The following PTPN14 variants were observed in gnomAD, a reference collection of about 807,000 sequenced individuals.
PTPN14 encodes the protein protein tyrosine phosphatase non-receptor type 14.
PTPN14 carries 53 observed loss-of-function variants against 126.8 expected under a neutral mutation model. That is an observed-to-expected ratio of 0.42 (90% CI 0.34 to 0.53). PTPN14 has a LOEUF of 0.53. Ranked by LOEUF, PTPN14 falls within the 20% of genes least tolerant of loss-of-function variation. The pLI is 0.08. For synonymous variants in PTPN14, 630 were observed against 599.3 expected (o/e 1.05, Z -0.75); for missense variants, 1,257 against 1,552.9 (o/e 0.81, Z 3.20).
chr1:214,384,209 C>T lies in PTPN14; in HGVS notation c.1646G>A (p.Gly549Asp). The T allele has an allele frequency of 6.2e-7, 1 of 1,610,710 alleles. No individual in the cohort carries two copies. The highest frequency in any genetic ancestry group is 1.7e-5 in the Admixed American group (1 of 59,984). The change falls in exon 13 of 19, where the codon GGC (glycine) becomes GAC (aspartate). Residue 549 changes from glycine (G) to aspartate (D), a missense_variant. Coordinates refer to ENST00000366956, the MANE Select transcript of PTPN14 (RefSeq NM_005401.5). This position sits in a 1 kb window ranked among gnomAD's most constrained non-coding sequence, Gnocchi z 5.3. ...TPELANMQLQ[G>D]SHNYSTAHML... ...GTGGGCCGTGCTGTAGTTATGGCTG[C>T]CCTGCAGCTGCATGTTGGCCAGCTC...
chr1:214,497,391 A>C lies in PTPN14; in HGVS notation c.-154-32434T>G, dbSNP rs536322317. Reference sequence around the variant, plus strand: ...AAAAAATTAAAGAGATCATTTTCAGAGCTGATGAGGATAGTGAGGCTATTT... The same window carrying C: ...AAAAAATTAAAGAGATCATTTTCAGCGCTGATGAGGATAGTGAGGCTATTT... On this transcript the variant is annotated intron_variant, in intron 1 of 18. Coordinates refer to ENST00000366956, the MANE Select transcript of PTPN14 (RefSeq NM_005401.5). Among the ~76,000 whole-genome samples, 7 of 152,338 alleles carry C rather than the reference A, an allele frequency of 4.6e-5. No individual in the cohort carries two copies. In the South Asian group the frequency reaches 1.5e-3, roughly 32 times the overall value.
chr1:214,432,017 C>CA (rs999327734), intron 3 of PTPN14, among the ~76,000 whole-genome samples: 2 of 152,038 alleles, frequency 1.3e-5, no homozygotes, highest in South Asian at 2.1e-4. Context: ...CTTGTATCTA[C>CA]AAAAAAGTTT....
At chr1:214,416,183 A>G (rs1420763448) in intron 3 of PTPN14, among the ~76,000 whole-genome samples, 2 of 152,324 alleles carry the variant, frequency 1.3e-5, no homozygotes, top group African/African-American at 4.8e-5. Context: ...AACAGTCTCC[A>G]CCTTACAAGG....
At chr1:214,439,592 C>T (rs766860680) in intron 3 of PTPN14, among the ~76,000 whole-genome samples, 8 of 152,202 alleles carry the variant, frequency 5.3e-5, no homozygotes, top group Non-Finnish European at 1.0e-4. Context: ...ACAAGATTGA[C>T]GAGCTGACCT....
At chr1:214,456,888 C>T (rs2102641536) in intron 2 of PTPN14, among the ~76,000 whole-genome samples, 1 of 152,350 alleles carries the variant, frequency 6.6e-6, no homozygotes, top group East Asian at 1.9e-4. Context: ...GTCTACTCTT[C>T]AGTCGATTCT....
chr1:214,533,550 G>C, intron 1 of PTPN14: 1 of 292,356 alleles, frequency 3.4e-6, no homozygotes, highest in Non-Finnish European at 6.4e-6. Context: ...AAAAAAAAAA[G>C]GCTGGGTGCG....
At chr1:214,434,235 T>G (rs1659861789) in intron 3 of PTPN14, among the ~76,000 whole-genome samples, 1 of 152,042 alleles carries the variant, frequency 6.6e-6, no homozygotes, top group Admixed American at 6.5e-5. Context: ...TTCCAGTAAA[T>G]TGGAGATTGC....
At chr1:214,414,836 C>CCTG in intron 3 of PTPN14, 110 bp from the exon 4 acceptor site, 1 of 810,044 alleles carries the variant, frequency 1.2e-6, no homozygotes, top group Non-Finnish European at 2.1e-6. Context: ...GCAGGACATG[C>CCTG]CTGTGATGCT....
At position 214,444,486 on chromosome 1, in the gene PTPN14, A is replaced by G. The variant is rs1660099950; in HGVS notation, c.344+7319T>C. Among the ~76,000 whole-genome samples, 5 of 152,328 alleles carry G rather than the reference A, an allele frequency of 3.3e-5. No homozygotes were observed. In the South Asian group the frequency reaches 8.3e-4, roughly 25 times the overall value. On this transcript the variant is annotated intron_variant, in intron 3 of 18. Coordinates refer to ENST00000366956, the MANE Select transcript of PTPN14 (RefSeq NM_005401.5). Reference sequence around the variant, plus strand: ...TAAAATGACATTTCAAAATAATAAAAGAACTAAAAGAACTGGAGGAACAAA... The same window carrying G: ...TAAAATGACATTTCAAAATAATAAAGGAACTAAAAGAACTGGAGGAACAAA...
chr1:214,453,438 G>A (rs1660314531), intron 2 of PTPN14, among the ~76,000 whole-genome samples: 1 of 152,192 alleles, frequency 6.6e-6, no homozygotes, highest in Non-Finnish European at 1.5e-5. Context: ...ACAAGTCATT[G>A]AGCCTTCTAG....
At chr1:214,372,863 T>C (rs1658251714) in intron 15 of PTPN14, 24 bp from the exon 16 acceptor site, 1 of 1,613,072 alleles carries the variant, frequency 6.2e-7, no homozygotes, top group East Asian at 2.2e-5. Context: ...AAAGTATCGG[T>C]AAATAAACCC....
At chr1:214,363,747 G>T (rs1658008050) in intron 18 of PTPN14, among the ~76,000 whole-genome samples, 1 of 152,166 alleles carries the variant, frequency 6.6e-6, no homozygotes, top group Non-Finnish European at 1.5e-5. Flanking sequence ...GGCTGATATG[G>T]CAGGCAAAAG....
intron 1 of PTPN14, among the ~76,000 whole-genome samples, chr1:214,539,858 G>A (rs1373584739): frequency 3.3e-5 from 5 of 151,992 alleles, no homozygotes; most frequent in African/African-American, 7.2e-5. Flanking sequence ...CTCAGAAAAC[G>A]TGCCTCATTT....
chr1:214,439,051 TC>T (rs899865983), intron 3 of PTPN14, among the ~76,000 whole-genome samples: 9 of 152,278 alleles, frequency 5.9e-5, no homozygotes, highest in African/African-American at 1.4e-4. Context: ...TTCCTTTTTT[TC>T]CCCCTACTTC....
At chr1:214,415,666 C>T (rs1050088726) in intron 3 of PTPN14, among the ~76,000 whole-genome samples, 3 of 152,204 alleles carry the variant, frequency 2.0e-5, no homozygotes, top group Non-Finnish European at 4.4e-5. Context: ...GAGCTAATTA[C>T]TGCTGGCTCT....
intron 1 of PTPN14, among the ~76,000 whole-genome samples, chr1:214,497,163 G>A (rs912613035): frequency 2.0e-5 from 3 of 151,900 alleles, no homozygotes; most frequent in African/African-American, 7.3e-5. Flanking sequence ...ACAACAACCT[G>A]GAGGAAAATA....
chr1:214,503,418 C>T lies in PTPN14; in HGVS notation c.-154-38461G>A, dbSNP rs538898106. ...AGAAGAGACTGAAGCCAGAATTTAA[C>T]GGCAGCTGCCTCGCTTCCATTTTTA... On this transcript the variant is annotated intron_variant, in intron 1 of 18. Coordinates refer to ENST00000366956, the MANE Select transcript of PTPN14 (RefSeq NM_005401.5). Among the ~76,000 whole-genome samples, 78 of 152,346 alleles carry T rather than the reference C, an allele frequency of 5.1e-4. 1 individual carries two copies. The highest frequency in any genetic ancestry group is 1.6e-3 in the African/African-American group (66 of 41,580).
At chr1:214,527,499 T>C (rs1038148999) in intron 1 of PTPN14, among the ~76,000 whole-genome samples, 16 of 152,304 alleles carry the variant, frequency 1.1e-4, no homozygotes, top group African/African-American at 3.8e-4. Flanking sequence ...GAAAGGAGGA[T>C]AGGCTTGAAG....
In PTPN14 at chr1:214,390,190, T is replaced by TA. The variant is rs957169604; in HGVS notation, c.987+797dup. On this transcript the variant is annotated intron_variant, in intron 11 of 18. Transcript: ENST00000366956. ...GTCATATGCTTATTTTGATTTTGTG[T>TA]AAAAAAATCATGACCTAAAATAAAA... Among the ~76,000 whole-genome samples the TA allele has an allele frequency of 1.2e-4, 19 of 152,292 alleles. 1 individual carries two copies. The highest frequency in any genetic ancestry group is 3.1e-4 in the African/African-American group (13 of 41,568).
Sources: allele counts gnomAD v4.1 joint callset (sites outside exome capture counted in the v4.1 genomes callset), GRCh38; gene constraint gnomAD v4.1.1; non-coding constraint Gnocchi (gnomAD v3.1); transcripts MANE v1.5; gene names NCBI Gene and HGNC (gene_info 2026-07-23, HGNC 2026-07-21).